The following MAPKAP1 variants were observed in gnomAD, a reference collection of about 807,000 sequenced individuals.
MAPKAP1 encodes MAPK associated protein 1.
MAPKAP1 carries 20 observed loss-of-function variants against 65.7 expected under a neutral mutation model. The ratio of observed to expected loss-of-function variants is 0.30; its 90% CI spans 0.21 to 0.44. The LOEUF (loss-of-function observed/expected upper bound fraction) is 0.44, where lower values mean the gene tolerates loss of function less well. MAPKAP1 is among the 20% of genes least tolerant of loss of function. The pLI, the probability that MAPKAP1 is intolerant of heterozygous loss-of-function variation, is 1.00. For synonymous variants in MAPKAP1, 222 were observed against 244.3 expected (o/e 0.91, Z 0.85); for missense variants, 423 against 648.0 (o/e 0.65, Z 3.77).
chr9:125,643,019 C>T (rs1265191696), intron 4 of MAPKAP1, among the ~76,000 whole-genome samples: 2 of 151,908 alleles, frequency 1.3e-5, no homozygotes, highest in Admixed American at 6.6e-5. Flanking sequence ...CCTGCCTCAG[C>T]CTCCCGAGTA....
chr9:125,615,283 T>C (rs779728694), intron 4 of MAPKAP1, among the ~76,000 whole-genome samples: 2 of 152,172 alleles, frequency 1.3e-5, no homozygotes, highest in Non-Finnish European at 1.5e-5. Flanking sequence ...TTAAATGATA[T>C]ATCATGTTCA....
chr9:125,518,105 A>T (rs1457988306), intron 7 of MAPKAP1, among the ~76,000 whole-genome samples: 1 of 152,240 alleles, frequency 6.6e-6, no homozygotes, highest in Non-Finnish European at 1.5e-5. Flanking sequence ...TCTTCTAGCT[A>T]ATATTCCTAT....
chr9:125,528,102 T>C (rs1829825512), intron 7 of MAPKAP1, among the ~76,000 whole-genome samples: 1 of 152,102 alleles, frequency 6.6e-6, no homozygotes, highest in Admixed American at 6.5e-5. Context: ...GGAACCTACC[T>C]CTCCAAAAGG....
At chr9:125,664,736 A>AAAAAAAAAAAAAGG (rs1834290970) in intron 3 of MAPKAP1, among the ~76,000 whole-genome samples, 2 of 150,916 alleles carry the variant, frequency 1.3e-5, no homozygotes, top group African/African-American at 4.9e-5. Flanking sequence ...AAAAAAAAAA[A>AAAAAAAAAAAAAGG]AAAAGGAAAA....
intron 4 of MAPKAP1, among the ~76,000 whole-genome samples, chr9:125,653,899 T>A (rs566811480): frequency 1.3e-5 from 2 of 152,358 alleles, no homozygotes; most frequent in South Asian, 2.1e-4. Context: ...CCTTTTTTTT[T>A]ATTACTAACT....
chr9:125,527,083 G>A (rs2133128538), intron 7 of MAPKAP1, among the ~76,000 whole-genome samples: 1 of 149,608 alleles, frequency 6.7e-6, no homozygotes, highest in East Asian at 2.0e-4. Flanking sequence ...TTTTTTTTGG[G>A]GGATGTAGTC....
intron 5 of MAPKAP1, among the ~76,000 whole-genome samples, chr9:125,584,291 G>C (rs1273563976): frequency 1.3e-5 from 2 of 152,062 alleles, no homozygotes; most frequent in Non-Finnish European, 2.9e-5. Context: ...GCAAAGTGGA[G>C]GGCAATGTCA....
chr9:125,616,989 C>G (rs1832764222), intron 4 of MAPKAP1, among the ~76,000 whole-genome samples: 1 of 152,078 alleles, frequency 6.6e-6, no homozygotes, highest in Admixed American at 6.5e-5. Flanking sequence ...AAAATAGTTT[C>G]CATATATCAT....
chr9:125,466,637 G>A (rs1202889635), intron 10 of MAPKAP1, among the ~76,000 whole-genome samples: 2 of 152,198 alleles, frequency 1.3e-5, no homozygotes, highest in African/African-American at 2.4e-5. Context: ...AAGGCAGAGG[G>A]AATCCAGCAA....
At chr9:125,705,223 T>C (rs375725360) in intron 1 of MAPKAP1, among the ~76,000 whole-genome samples, 19 of 152,212 alleles carry the variant, frequency 1.2e-4, no homozygotes, top group African/African-American at 4.3e-4. Context: ...GCAAGACATG[T>C]AATGGAAAAA....
intron 8 of MAPKAP1, among the ~76,000 whole-genome samples, chr9:125,485,516 A>C (rs1854473409): frequency 6.6e-6 from 1 of 152,166 alleles, no homozygotes; most frequent in Admixed American, 6.5e-5. Flanking sequence ...GAAACATACC[A>C]ATATTCTTCT....
chr9:125,687,093 T>G (rs1035661742), intron 1 of MAPKAP1, among the ~76,000 whole-genome samples: 6 of 151,534 alleles, frequency 4.0e-5, no homozygotes, highest in East Asian at 1.9e-4. Context: ...CCCAAAGTGC[T>G]GGGATTACAG....
intron 6 of MAPKAP1, among the ~76,000 whole-genome samples, chr9:125,556,693 T>G (rs112830736): frequency 0.021 from 3,134 of 151,844 alleles, 36 homozygotes; most frequent in South Asian, 0.041. Flanking sequence ...CGAGGAGGAG[T>G]AGTTACGGCT....
Position 125,595,753 on chromosome 9 carries a change from C to A in MAPKAP1, c.499-10026G>T. On this transcript the variant is annotated intron_variant, in intron 4 of 11. Coordinates refer to ENST00000265960, the MANE Select transcript of MAPKAP1 (RefSeq NM_001006617.3). This position sits in a 1 kb window ranked among gnomAD's most constrained non-coding sequence, Gnocchi z 4.0. ...TGAGCTTTGAAACAACCAATGAGAG[C>A]AAGAGGAGCCATTGTGAGCAATGGG... The A allele has an allele frequency of 7.3e-7, 1 of 1,367,316 alleles. No homozygotes were observed. Among genetic ancestry groups the A allele is most frequent in the Admixed American group, 1.7e-5 (1 of 57,874 alleles). 84.7% of individuals were successfully genotyped at this position (1,367,316 alleles called of 1,614,324 possible). A position where few individuals can be genotyped will look rare whatever the true frequency, so the allele number is the denominator to read the frequency against.
intron 4 of MAPKAP1, among the ~76,000 whole-genome samples, chr9:125,656,907 A>G (rs1834048066): frequency 6.6e-6 from 1 of 152,204 alleles, no homozygotes; most frequent in African/African-American, 2.4e-5. Context: ...AATAGTGGCC[A>G]TGTTTCTAAA....
chr9:125,624,192 T>C (rs1414667544), intron 4 of MAPKAP1, among the ~76,000 whole-genome samples: 15 of 16,402 alleles, frequency 9.1e-4, no homozygotes, highest in Admixed American at 2.0e-3. Flanking sequence ...CCAGCCGCCC[T>C]GTCTGGGAGG....
intron 4 of MAPKAP1, chr9:125,596,468 A>G (rs1209103153): frequency 4.0e-6 from 3 of 754,638 alleles, no homozygotes; most frequent in East Asian, 2.5e-5. Context: ...AATTACAACA[A>G]TCAGTCTTCA....
intron 8 of MAPKAP1, among the ~76,000 whole-genome samples, chr9:125,505,154 G>A (rs576060371): frequency 2.6e-5 from 4 of 152,084 alleles, no homozygotes; most frequent in Admixed American, 6.5e-5. Context: ...TTGAACCGCC[G>A]GGCGCGGTGG....
At chr9:125,603,534 A>C (rs1832365234) in intron 4 of MAPKAP1, among the ~76,000 whole-genome samples, 1 of 152,192 alleles carries the variant, frequency 6.6e-6, no homozygotes, top group Non-Finnish European at 1.5e-5. Context: ...TCACTTGCAG[A>C]AACTGACAAG....
Sources: allele counts gnomAD v4.1 joint callset (sites outside exome capture counted in the v4.1 genomes callset), GRCh38; gene constraint gnomAD v4.1.1; non-coding constraint Gnocchi (gnomAD v3.1); transcripts MANE v1.5; gene names NCBI Gene and HGNC (gene_info 2026-07-23, HGNC 2026-07-21).